DPH5: variants seen among roughly 807,000 people sequenced by gnomAD.
DPH5 encodes diphthamide biosynthesis 5, also known as diphthine methyl ester synthase.
DPH5 carries 31 observed loss-of-function variants against 31.6 expected under a neutral mutation model. The observed-to-expected ratio is 0.98, with a 90% CI of 0.74 to 1.32. The LOEUF is 1.32. Among genes scored for constraint, DPH5 ranks in the 40% most tolerant of loss-of-function variants. DPH5 has a pLI of 0.00. For synonymous variants in DPH5, 120 were observed against 115.0 expected (o/e 1.04, Z -0.28); for missense variants, 309 against 335.7 (o/e 0.92, Z 0.62).
chr1:101,012,811 G>T (rs1209394056), intron 4 of DPH5, among the ~76,000 whole-genome samples: 1 of 152,110 alleles, frequency 6.6e-6, no homozygotes, highest in African/African-American at 2.4e-5. Flanking sequence ...GACATAAAAA[G>T]CCAGTATTAG....
intron 7 of DPH5, among the ~76,000 whole-genome samples, chr1:100,991,788 C>CAAAAAAAAAAAAAAAAAAAAAAAAAAAAA (rs71084857): frequency 9.9e-6 from 1 of 101,066 alleles, no homozygotes; most frequent in African/African-American, 4.0e-5. Context: ...GACCCCATCT[C>CAAAAAAAAAAAAAAAAAAAAAAAAAAAAA]AAAAAAAAAA....
chr1:100,991,788 C>CAGAAAAAAAAA (rs1657747711), intron 7 of DPH5, among the ~76,000 whole-genome samples: 1 of 101,066 alleles, frequency 9.9e-6, no homozygotes, highest in Non-Finnish European at 2.0e-5. Context: ...GACCCCATCT[C>CAGAAAAAAAAA]AAAAAAAAAA....
At chr1:100,992,820 G>A (rs1164908210) in intron 6 of DPH5, 80 bp from the exon 7 acceptor site, 11 of 880,186 alleles carry the variant, frequency 1.2e-5, no homozygotes, top group Non-Finnish European at 2.0e-5. Flanking sequence ...GCTCTCCCAG[G>A]TATACTCAAG....
intron 3 of DPH5, among the ~76,000 whole-genome samples, chr1:101,014,766 C>G (rs1659946970): frequency 6.6e-6 from 1 of 152,198 alleles, no homozygotes; most frequent in Admixed American, 6.5e-5. Context: ...TCAAACCCTG[C>G]TAGTAATCTA....
At chr1:101,001,935 G>T (rs192871222) in intron 4 of DPH5, among the ~76,000 whole-genome samples, 7 of 152,054 alleles carry the variant, frequency 4.6e-5, no homozygotes, top group African/African-American at 1.7e-4. Flanking sequence ...CAATCAGAGC[G>T]GGGTTCACAA....
chr1:100,997,361 T>C (rs1658445226), intron 5 of DPH5, among the ~76,000 whole-genome samples: 1 of 150,726 alleles, frequency 6.6e-6, no homozygotes, highest in Non-Finnish European at 1.5e-5. Context: ...TTCCTCTCCT[T>C]CCTATCTTTT....
intron 4 of DPH5, among the ~76,000 whole-genome samples, chr1:101,002,676 G>A (rs914268524): frequency 6.6e-6 from 1 of 152,140 alleles, no homozygotes; most frequent in African/African-American, 2.4e-5. Context: ...AATTAACCGT[G>A]TGCCTGAAAT....
intron 7 of DPH5, 44 bp from the exon 8 acceptor site, chr1:100,990,675 T>A: frequency 6.4e-7 from 1 of 1,570,616 alleles, no homozygotes; most frequent in Non-Finnish European, 8.7e-7. Context: ...AGCAAATGCA[T>A]CATCCATCCA....
intron 3 of DPH5, among the ~76,000 whole-genome samples, chr1:101,015,215 G>A (rs1659989987): frequency 6.6e-6 from 1 of 151,384 alleles, no homozygotes; most frequent in African/African-American, 2.4e-5. Context: ...GGCAGCTACA[G>A]CCTCACAAAA....
chr1:100,999,545 A>T (rs979677785), intron 5 of DPH5, among the ~76,000 whole-genome samples: 1 of 151,828 alleles, frequency 6.6e-6, no homozygotes, highest in Non-Finnish European at 1.5e-5. Context: ...TAGCTTAAAA[A>T]TTTTTGGCAA....
rs754560215 is a variant in DPH5, at chr1:101,003,050, C to T, written c.370-1463G>A. ...ACATCTTACCTACCAACAAGGTTTA[C>T]TCCCAAAGTCCATTTGAAAGCTGCC... On this transcript the variant is annotated intron_variant, in intron 4 of 7. Coordinates refer to ENST00000370109, the MANE Select transcript of DPH5 (RefSeq NM_015958.3). Among the ~76,000 whole-genome samples, 36 of 152,214 alleles carry T rather than the reference C, an allele frequency of 2.4e-4. 1 individual carries two copies. The highest frequency in any genetic ancestry group is 2.2e-3 in the Admixed American group (34 of 15,286).
chr1:101,024,546 GTC>G (rs1331451480), intron 2 of DPH5, among the ~76,000 whole-genome samples: 1 of 152,106 alleles, frequency 6.6e-6, no homozygotes, highest in African/African-American at 2.4e-5. Flanking sequence ...AAAATTTTAA[GTC>G]TATTTTTTGT....
chr1:101,002,246 C>T (rs1658924614), intron 4 of DPH5, among the ~76,000 whole-genome samples: 1 of 152,224 alleles, frequency 6.6e-6, no homozygotes, highest in South Asian at 2.1e-4. Flanking sequence ...GGTTCACCAT[C>T]ACTACAACCA....
At chr1:101,017,699 G>A (rs2101278803) in intron 3 of DPH5, among the ~76,000 whole-genome samples, 1 of 152,282 alleles carries the variant, frequency 6.6e-6, no homozygotes, top group South Asian at 2.1e-4. Flanking sequence ...TTCACCCCAT[G>A]GAGCAGTCAG....
intron 6 of DPH5, among the ~76,000 whole-genome samples, chr1:100,993,504 A>ATG: frequency 6.9e-6 from 1 of 145,980 alleles, no homozygotes; most frequent in Non-Finnish European, 1.5e-5. Context: ...GCGAGCTGAG[A>ATG]TGACACCACT....
At chr1:100,992,414 G>T (rs1657840134) in intron 7 of DPH5, among the ~76,000 whole-genome samples, 1 of 151,988 alleles carries the variant, frequency 6.6e-6, no homozygotes, top group African/African-American at 2.4e-5. Flanking sequence ...TCACTTTCTG[G>T]AATGGTGTTA....
At chr1:101,012,188 A>G (rs1410255870) in intron 4 of DPH5, among the ~76,000 whole-genome samples, 1 of 152,156 alleles carries the variant, frequency 6.6e-6, no homozygotes, top group Non-Finnish European at 1.5e-5. Flanking sequence ...GGCGTGAGCT[A>G]CCACGCCCAG....
intron 4 of DPH5, among the ~76,000 whole-genome samples, chr1:101,008,833 T>G (rs1659430419): frequency 6.6e-6 from 1 of 152,226 alleles, no homozygotes; most frequent in Non-Finnish European, 1.5e-5. Flanking sequence ...TAACAATAAC[T>G]CTTCCAAGCA....
Position 100,990,590 on chromosome 1 carries a change from C to T in DPH5, c.676G>A (p.Gly226Arg). The change falls in exon 8 of 8, where the codon GGA becomes AGA. Residue 226 changes from glycine to arginine, a missense_variant. Transcript: ENST00000370109. ...ETLCVGLARV[G>R]ADDQKIAAGT... ...GCTGCAATTTTCTGGTCGTCGGCTCCAACCCTGGCTAAGCCAACACAAAGT... is the reference window on the plus strand; with the variant it reads ...GCTGCAATTTTCTGGTCGTCGGCTCTAACCCTGGCTAAGCCAACACAAAGT... 6.2e-7 allele frequency: 1 copy of T among 1,614,068 alleles called. No homozygotes were observed. Among genetic ancestry groups the T allele is most frequent in the Non-Finnish European group, 8.5e-7 (1 of 1,179,998 alleles).
Sources: gnomAD v4.1 joint callset for allele counts (sites outside exome capture counted in the v4.1 genomes callset) on GRCh38, gnomAD v4.1.1 for gene constraint, MANE v1.5 for transcripts, NCBI Gene and HGNC (gene_info 2026-07-23, HGNC 2026-07-21) for gene names.